The following NDST4 variants were observed in gnomAD, a reference collection of about 807,000 sequenced individuals.
NDST4 encodes N-deacetylase and N-sulfotransferase 4.
In NDST4, 63 loss-of-function variants were observed where a neutral mutation model predicts 100.8. That is an observed-to-expected ratio of 0.62 (90% CI 0.51 to 0.77). The LOEUF is 0.77. NDST4 is among the 30% of genes least tolerant of loss of function. The pLI is 0.00. For synonymous variants in NDST4, 377 were observed against 361.8 expected (o/e 1.04, Z -0.48); for missense variants, 943 against 1,018.4 (o/e 0.93, Z 1.01).
chr4:115,005,540 G>A (rs1271981885), intron 2 of NDST4, among the ~76,000 whole-genome samples: 2 of 152,120 alleles, frequency 1.3e-5, no homozygotes, highest in Non-Finnish European at 2.9e-5. Context: ...GAGAGTGGGA[G>A]GTTGAACAAT....
At position 114,944,958 on chromosome 4, in the gene NDST4, C is replaced by T. The variant is rs538987114; in HGVS notation, c.1222-7455G>A. On this transcript the variant is annotated intron_variant, in intron 4 of 13. Coordinates refer to ENST00000264363, the MANE Select transcript of NDST4 (RefSeq NM_022569.3). ...CCTGTGGTGGCCCATGCCTGTAATC[C>T]CTGCACTTTGGGAGGCCGAGGCAGG... Among the ~76,000 whole-genome samples the T allele has an allele frequency of 4.6e-5, 7 of 152,032 alleles. No homozygotes were observed. In the East Asian group the frequency reaches 1.2e-3, roughly 25 times the overall value.
At chr4:114,842,090 G>A (rs72679757) in intron 10 of NDST4, among the ~76,000 whole-genome samples, 13,907 of 152,128 alleles carry the variant, frequency 0.091, 977 homozygotes, top group African/African-American at 0.18. Flanking sequence ...CACTCACATC[G>A]TTGGGATTTT....
chr4:115,082,522 G>A (rs1729324529), intron 1 of NDST4, among the ~76,000 whole-genome samples: 1 of 152,048 alleles, frequency 6.6e-6, no homozygotes, highest in Admixed American at 6.6e-5. Flanking sequence ...CTTTGTTGAA[G>A]GTGATCTGAT....
At chr4:115,106,675 C>T (rs6533834) in intron 1 of NDST4, among the ~76,000 whole-genome samples, 117,947 of 152,084 alleles carry the variant, frequency 0.78, 46,404 homozygotes, top group African/African-American at 0.89. Flanking sequence ...TTTTAAAATA[C>T]TTTTCATTTT....
At chr4:114,831,616 G>A (rs905344205) in intron 12 of NDST4, among the ~76,000 whole-genome samples, 3 of 152,130 alleles carry the variant, frequency 2.0e-5, no homozygotes, top group Non-Finnish European at 2.9e-5. Flanking sequence ...GAGGTCTCAG[G>A]ATGGGCTGTG....
At chr4:115,028,994 G>A (rs975857273) in intron 2 of NDST4, among the ~76,000 whole-genome samples, 5 of 152,094 alleles carry the variant, frequency 3.3e-5, no homozygotes, top group Non-Finnish European at 7.4e-5. Flanking sequence ...AAGGTGACAA[G>A]GAGGGAGTGT....
chr4:114,828,034 C>T (rs1319592715), intron 13 of NDST4, 99 bp from the exon 14 acceptor site: 5 of 1,015,188 alleles, frequency 4.9e-6, no homozygotes, highest in East Asian at 2.8e-5. Flanking sequence ...CTACAGTATA[C>T]GTGTCTACAA....
rs971648691 is a variant in NDST4, at chr4:114,909,488, G to A, written c.1536+25718C>T. 2.0e-3 allele frequency among the ~76,000 whole-genome samples: 303 copies of A among 150,196 alleles called. 2 individuals carry two copies. Among genetic ancestry groups the A allele is most frequent in the African/African-American group, 7.2e-3 (291 of 40,618 alleles). Reference sequence around the variant, plus strand: ...ATCCTGGCTAACAAGGTGAAACCCCGTCTCTACTAAAAATACAAAAAATTA... The same window carrying A: ...ATCCTGGCTAACAAGGTGAAACCCCATCTCTACTAAAAATACAAAAAATTA... On this transcript the variant is annotated intron_variant, in intron 6 of 13. Coordinates refer to ENST00000264363, the MANE Select transcript of NDST4 (RefSeq NM_022569.3).
chr4:114,945,650 A>G (rs1475316698), intron 4 of NDST4, among the ~76,000 whole-genome samples: 1 of 152,230 alleles, frequency 6.6e-6, no homozygotes, highest in African/African-American at 2.4e-5. Flanking sequence ...TGTTGAACTT[A>G]AAGTGCTGGT....
chr4:114,894,761 G>A (rs566806541), intron 6 of NDST4, among the ~76,000 whole-genome samples: 12 of 152,144 alleles, frequency 7.9e-5, no homozygotes, highest in African/African-American at 2.2e-4. Context: ...GCCCTGGACC[G>A]AACTTCCAAT....
chr4:114,986,832 A>ATGTATATATT, intron 2 of NDST4, among the ~76,000 whole-genome samples: 1 of 94,656 alleles, frequency 1.1e-5, no homozygotes, highest in Non-Finnish European at 2.2e-5. Context: ...ATATATATAT[A>ATGTATATATT]TTTTAATATA....
chr4:114,950,963 G>T (rs929110538), intron 4 of NDST4, among the ~76,000 whole-genome samples: 1 of 151,900 alleles, frequency 6.6e-6, no homozygotes, highest in Non-Finnish European at 1.5e-5. Flanking sequence ...TGCATCCCTG[G>T]TGTCAAGTAA....
chr4:114,985,479 T>A (rs1395540331), intron 2 of NDST4, among the ~76,000 whole-genome samples: 1 of 152,214 alleles, frequency 6.6e-6, no homozygotes, highest in Admixed American at 6.5e-5. Flanking sequence ...TGTTAGGTGA[T>A]GAGCAACACT....
At chr4:114,835,886 G>A (rs372198113) in intron 11 of NDST4, among the ~76,000 whole-genome samples, 1 of 152,126 alleles carries the variant, frequency 6.6e-6, no homozygotes, top group African/African-American at 2.4e-5. Flanking sequence ...TGTCTTTTTG[G>A]ATCTTTGTTA....
chr4:115,098,211 C>G (rs184255687), intron 1 of NDST4, among the ~76,000 whole-genome samples: 1 of 151,934 alleles, frequency 6.6e-6, no homozygotes. Flanking sequence ...TCTTTACAAA[C>G]GAGTAGCAAG....
At chr4:114,836,961 C>T (rs1723318420) in intron 11 of NDST4, among the ~76,000 whole-genome samples, 2 of 152,124 alleles carry the variant, frequency 1.3e-5, no homozygotes, top group Admixed American at 6.5e-5. Context: ...TGTTTTTCAG[C>T]TCCATCAGGC....
At chr4:114,991,889 T>C (rs982007943) in intron 2 of NDST4, among the ~76,000 whole-genome samples, 1 of 152,018 alleles carries the variant, frequency 6.6e-6, no homozygotes, top group African/African-American at 2.4e-5. Context: ...TAATAAAATA[T>C]TTTTATTTGT....
At chr4:115,020,043 C>T (rs1045246627) in intron 2 of NDST4, among the ~76,000 whole-genome samples, 2 of 151,904 alleles carry the variant, frequency 1.3e-5, no homozygotes, top group South Asian at 2.1e-4. Context: ...AATGTAGATG[C>T]GCTGTTGGAA....
chr4:114,878,758 A>G (rs1175491191), intron 6 of NDST4, among the ~76,000 whole-genome samples: 1 of 152,054 alleles, frequency 6.6e-6, no homozygotes, highest in Non-Finnish European at 1.5e-5. Flanking sequence ...ATTGTATATT[A>G]TCACCATGGA....
Sources: allele counts gnomAD v4.1 joint callset (sites outside exome capture counted in the v4.1 genomes callset), GRCh38; gene constraint gnomAD v4.1.1; transcripts MANE v1.5; gene names NCBI Gene and HGNC (gene_info 2026-07-23, HGNC 2026-07-21).